Variants in KDM2A observed in about 807,000 individuals in gnomAD.
KDM2A encodes the protein lysine-specific demethylase 2A.
Under a neutral mutation model 137.3 loss-of-function variants are expected in KDM2A, and 3 were observed. The observed-to-expected ratio is 0.02, with a 90% CI of 0.01 to 0.06. The LOEUF is 0.06. KDM2A is among the 10% of genes least tolerant of loss of function. The probability of loss-of-function intolerance (pLI) is 1.00; values close to 1 mark genes in which losing one functional copy is unlikely to be tolerated. For synonymous variants in KDM2A, 512 were observed against 541.5 expected (o/e 0.95, Z 0.76); for missense variants, 738 against 1,510.6 (o/e 0.49, Z 8.48).
chr11:67,194,444 T>G (rs984885509), intron 5 of KDM2A, among the ~76,000 whole-genome samples: 4 of 152,210 alleles, frequency 2.6e-5, no homozygotes, highest in African/African-American at 9.6e-5. Flanking sequence ...AACGTGTTCT[T>G]TTCTTAAGTT....
chr11:67,248,482 G>A lies in KDM2A; in HGVS notation c.2055+112G>A. On this transcript the variant is annotated intron_variant, in intron 16 of 20. Coordinates refer to ENST00000529006, the MANE Select transcript of KDM2A (RefSeq NM_012308.3). Reference sequence around the variant, plus strand: ...TTCACACAGTTTCTCTGACCTAGGAGATTATTTTTGTTTGGTTTGGTATGT... The same window carrying A: ...TTCACACAGTTTCTCTGACCTAGGAAATTATTTTTGTTTGGTTTGGTATGT... 3 of 669,492 alleles carry A rather than the reference G, an allele frequency of 4.5e-6. No homozygotes were observed. In the South Asian group the frequency reaches 5.8e-5, roughly 13 times the overall value. 41.5% of individuals were successfully genotyped at this position (669,492 alleles called of 1,614,324 possible).
intron 2 of KDM2A, among the ~76,000 whole-genome samples, chr11:67,149,439 C>A (rs1021585554): frequency 4.6e-5 from 7 of 152,034 alleles, no homozygotes; most frequent in Non-Finnish European, 8.8e-5. Flanking sequence ...TTATATATAA[C>A]AAGCCAGTTT....
chr11:67,150,408 C>G (rs1159953476), intron 2 of KDM2A, among the ~76,000 whole-genome samples: 1 of 152,148 alleles, frequency 6.6e-6, no homozygotes, highest in Non-Finnish European at 1.5e-5. Flanking sequence ...ATTGAAACTG[C>G]TTTCTGCATA....
chr11:67,129,747 A>G (rs564958527), intron 2 of KDM2A, among the ~76,000 whole-genome samples: 25 of 144,542 alleles, frequency 1.7e-4, no homozygotes, highest in East Asian at 6.1e-4. Flanking sequence ...AAAAAAAAAA[A>G]AAAGAAAAAG....
At chr11:67,214,112 C>A (rs192340923) in intron 6 of KDM2A, among the ~76,000 whole-genome samples, 3 of 152,070 alleles carry the variant, frequency 2.0e-5, no homozygotes, top group Non-Finnish European at 2.9e-5. Flanking sequence ...ACCATCTCGG[C>A]TCACCAGAAC....
At chr11:67,243,906 T>C (rs987819708) in intron 13 of KDM2A, 1 of 152,240 alleles carries the variant, frequency 6.6e-6, no homozygotes, top group Non-Finnish European at 1.5e-5. Context: ...AGATCCTGTA[T>C]AATTTTTTTC....
At chr11:67,223,986 A>G (rs900899791) in intron 10 of KDM2A, among the ~76,000 whole-genome samples, 1 of 152,260 alleles carries the variant, frequency 6.6e-6, no homozygotes, top group Admixed American at 6.5e-5. Context: ...AGTTTTAGCC[A>G]CATAAGAAAC....
At chr11:67,208,507 A>T (rs553599237) in intron 6 of KDM2A, among the ~76,000 whole-genome samples, 21 of 152,092 alleles carry the variant, frequency 1.4e-4, no homozygotes, top group African/African-American at 4.8e-4. Context: ...GCAGTGGCTC[A>T]TGCTTGGAAT....
chr11:67,145,876 G>T, intron 2 of KDM2A, among the ~76,000 whole-genome samples: 1 of 146,484 alleles, frequency 6.8e-6, no homozygotes, highest in East Asian at 1.9e-4. Context: ...TACATCCTTT[G>T]GGAATTTTTT....
chr11:67,167,044 C>T (rs1309332863), intron 2 of KDM2A, among the ~76,000 whole-genome samples: 2 of 152,110 alleles, frequency 1.3e-5, no homozygotes, highest in African/African-American at 4.8e-5. Flanking sequence ...TACCATTGCA[C>T]TCCAGCCTAG....
At chr11:67,204,181 C>G (rs73501797) in intron 5 of KDM2A, among the ~76,000 whole-genome samples, 3,614 of 152,262 alleles carry the variant, frequency 0.024, 136 homozygotes, top group African/African-American at 0.08. Flanking sequence ...AGTTTACCAT[C>G]ATAACCATTA....
chr11:67,151,782 T>C (rs1856396014), intron 2 of KDM2A, among the ~76,000 whole-genome samples: 1 of 152,156 alleles, frequency 6.6e-6, no homozygotes, highest in Non-Finnish European at 1.5e-5. Context: ...GTTTCACTCT[T>C]ACCCAGACTG....
chr11:67,242,777 C>T (rs779284170), intron 12 of KDM2A, among the ~76,000 whole-genome samples: 2 of 152,166 alleles, frequency 1.3e-5, no homozygotes, highest in Non-Finnish European at 2.9e-5. Flanking sequence ...AGCCACTGTG[C>T]CCAGCCTCAA....
intron 2 of KDM2A, among the ~76,000 whole-genome samples, chr11:67,177,570 G>A (rs767027847): frequency 1.3e-5 from 2 of 151,820 alleles, no homozygotes; most frequent in Non-Finnish European, 2.9e-5. Context: ...ACTGTCTTCC[G>A]CCTCCACATC....
intron 4 of KDM2A, 71 bp downstream of exon 4, chr11:67,181,469 T>G: frequency 1.0e-6 from 1 of 982,548 alleles, no homozygotes; most frequent in Non-Finnish European, 1.6e-6. Context: ...TAAACAGTGG[T>G]GGTATTGATA....
chr11:67,131,954 T>A (rs1192290786), intron 2 of KDM2A: 1 of 152,208 alleles, frequency 6.6e-6, no homozygotes, highest in South Asian at 2.1e-4. Context: ...AATTTTAGGT[T>A]CTTGGGGTTT....
chr11:67,177,595 G>T (rs1397565030), intron 2 of KDM2A, among the ~76,000 whole-genome samples: 1 of 151,868 alleles, frequency 6.6e-6, no homozygotes, highest in Non-Finnish European at 1.5e-5. Flanking sequence ...CCCACTGGAA[G>T]ATCTTCAGGC....
chr11:67,146,694 GA>G (rs1856255976), intron 2 of KDM2A, among the ~76,000 whole-genome samples: 1 of 151,990 alleles, frequency 6.6e-6, no homozygotes, highest in South Asian at 2.1e-4. Flanking sequence ...AATTTTTGTT[GA>G]GACAGGGTTT....
rs1188805628 is a variant in KDM2A at position 67,257,430 on chromosome 11, TGG to T, written c.*2379_*2380del. 1.3e-5 allele frequency: 2 copies of T among 152,542 alleles called. No homozygotes were observed. Among genetic ancestry groups the T allele is most frequent in the Non-Finnish European group, 2.9e-5 (2 of 68,046 alleles). The allele number at this position is 152,542 out of a possible 1,614,324, so 9.4% of individuals were successfully genotyped here. A position where few individuals can be genotyped will look rare whatever the true frequency, so the allele number is the denominator to read the frequency against. On this transcript the variant is annotated 3_prime_UTR_variant, in exon 21 of 21. Coordinates refer to ENST00000529006, the MANE Select transcript of KDM2A (RefSeq NM_012308.3). The stretch of plus-strand genomic sequence containing the variant: ...ATGTGGAGGAAAGAAGTGTCTCTGT[TGG>T]GGGACAGAGGAACCTGGGGAGTCCA...
Sources: allele counts gnomAD v4.1 joint callset (sites outside exome capture counted in the v4.1 genomes callset), GRCh38; gene constraint gnomAD v4.1.1; transcripts MANE v1.5; gene names NCBI Gene and HGNC (gene_info 2026-07-23, HGNC 2026-07-21).